Variants in CERS3 observed in about 807,000 individuals in gnomAD.
CERS3 encodes the protein ceramide synthase 3, also known as LAG1 homolog, ceramide synthase 3.
A neutral mutation model predicts 50.3 loss-of-function variants in CERS3; 33 were observed. The observed-to-expected ratio is 0.66, with a 90% CI of 0.50 to 0.88. The LOEUF (loss-of-function observed/expected upper bound fraction) is 0.88, where lower values mean the gene tolerates loss of function less well. CERS3 is among the 40% of genes least tolerant of loss of function. The probability of loss-of-function intolerance (pLI) is 0.00; values close to 1 mark genes in which losing one functional copy is unlikely to be tolerated. For missense variants in CERS3, 470 were observed against 460.3 expected (o/e 1.02, Z -0.19); for synonymous variants, 176 against 155.2 (o/e 1.13, Z -0.99).
At chr15:100,483,849 CG>C (rs1349048765) in intron 5 of CERS3, among the ~76,000 whole-genome samples, 1 of 139,096 alleles carries the variant, frequency 7.2e-6, no homozygotes, top group Non-Finnish European at 1.5e-5. Context: ...GGCGGGATCT[CG>C]GCTCACTGCA....
intron 4 of CERS3, among the ~76,000 whole-genome samples, chr15:100,489,974 C>T (rs1367373200): frequency 6.6e-6 from 1 of 152,160 alleles, no homozygotes; most frequent in African/African-American, 2.4e-5. Flanking sequence ...CAACTTAATT[C>T]AGGAAATAAA....
At chr15:100,497,302 A>ATGTGTGTGTG (rs1236454887) in intron 3 of CERS3, among the ~76,000 whole-genome samples, 4 of 133,524 alleles carry the variant, frequency 3.0e-5, no homozygotes, top group African/African-American at 1.1e-4. Context: ...GAGAGCATAT[A>ATGTGTGTGTG]TGTATGTGTG....
chr15:100,487,184 A>C (rs936456777), intron 4 of CERS3, among the ~76,000 whole-genome samples: 4 of 152,264 alleles, frequency 2.6e-5, no homozygotes, highest in African/African-American at 9.6e-5. Context: ...TCATGGGAAC[A>C]AAAACAAGCA....
intron 4 of CERS3, among the ~76,000 whole-genome samples, chr15:100,489,545 C>T (rs543249434): frequency 3.9e-4 from 60 of 152,264 alleles, no homozygotes; most frequent in Non-Finnish European, 5.9e-4. Context: ...TAGCACTGTT[C>T]TTCCCATTTT....
chr15:100,529,736 C>A (rs943266807), upstream of CERS3, among the ~76,000 whole-genome samples: 6 of 152,346 alleles, frequency 3.9e-5, no homozygotes, highest in South Asian at 1.2e-3. Context: ...TTTAAAGGTG[C>A]TCTGACAAGT....
chr15:100,515,498 G>C (rs2036464755), intron 2 of CERS3, among the ~76,000 whole-genome samples: 2 of 152,182 alleles, frequency 1.3e-5, no homozygotes, highest in Non-Finnish European at 2.9e-5. Flanking sequence ...TACCTTGACA[G>C]AGATTGCCAA....
At chr15:100,535,816 G>A (rs1173071655) in intron 1 of CERS3, among the ~76,000 whole-genome samples, 1 of 113,324 alleles carries the variant, frequency 8.8e-6, no homozygotes, top group Non-Finnish European at 1.9e-5. Context: ...ATGTGCACGG[G>A]AAGTGGGGAC....
chr15:100,472,323 G>A (rs1208406821), intron 9 of CERS3, among the ~76,000 whole-genome samples: 1 of 152,148 alleles, frequency 6.6e-6, no homozygotes, highest in Non-Finnish European at 1.5e-5. Flanking sequence ...AACAGGTCCG[G>A]AAAACAATCC....
chr15:100,469,176 G>A lies in CERS3; in HGVS notation c.845+202C>T, dbSNP rs12592478. Among the ~76,000 whole-genome samples, 17,292 of 152,182 alleles carry A rather than the reference G, an allele frequency of 0.11. 1,188 individuals carry two copies. Among genetic ancestry groups the A allele is most frequent in the Admixed American group, 0.21 (3,284 of 15,280 alleles). ...TCAGGTCACACATTTTCCATCTCCC[G>A]TTGTAATAAGCCTTTTCCACACCAC... On this transcript the variant is annotated intron_variant, in intron 10 of 11. Transcript: ENST00000679737.
chr15:100,498,351 G>A (rs2035895338), intron 3 of CERS3, among the ~76,000 whole-genome samples: 1 of 152,158 alleles, frequency 6.6e-6, no homozygotes. Context: ...TGAAGAAGGA[G>A]AGAAGAAAGA....
intron 2 of CERS3, among the ~76,000 whole-genome samples, chr15:100,507,028 C>T (rs1285485843): frequency 6.6e-6 from 1 of 152,158 alleles, no homozygotes; most frequent in South Asian, 2.1e-4. Flanking sequence ...TAATCTATGG[C>T]TTATCCTGAA....
chr15:100,423,733 T>C (rs2032618702), intron 11 of CERS3, among the ~76,000 whole-genome samples: 1 of 152,138 alleles, frequency 6.6e-6, no homozygotes, highest in African/African-American at 2.4e-5. Flanking sequence ...AACCTGTACA[T>C]GTGCCCCCTG....
At chr15:100,436,734 G>GTT (rs1348476969) in intron 11 of CERS3, among the ~76,000 whole-genome samples, 1 of 152,006 alleles carries the variant, frequency 6.6e-6, no homozygotes, top group Non-Finnish European at 1.5e-5. Flanking sequence ...TAGGACACCA[G>GTT]CTATAGGGGA....
rs2654574 is a variant in CERS3 at position 100,479,324 on chromosome 15, C to T, written c.516+104G>A. 793,473 of 797,046 alleles carry T rather than the reference C, an allele frequency of 1. 395,059 individuals carry two copies. The highest frequency in any genetic ancestry group is 1 in the East Asian group (39,754 of 39,756). 49.4% of individuals were successfully genotyped at this position (797,046 alleles called of 1,614,324 possible). A position where few individuals can be genotyped will look rare whatever the true frequency, so the allele number is the denominator to read the frequency against. On this transcript the variant is annotated intron_variant, in intron 7 of 11. Transcript: ENST00000679737. ...AGTAGAAAAAGTGCCAGGGATGACACAGTAGTGAACAAAGAGTAGCAGGGG... is the reference window on the plus strand; with the variant it reads ...AGTAGAAAAAGTGCCAGGGATGACATAGTAGTGAACAAAGAGTAGCAGGGG...
At chr15:100,420,143 C>T (rs1229811837) in intron 11 of CERS3, among the ~76,000 whole-genome samples, 81 of 148,614 alleles carry the variant, frequency 5.5e-4, no homozygotes, top group African/African-American at 1.9e-3. Context: ...AATCCAGGAG[C>T]TGGTTTTTTG....
chr15:100,468,119 A>T (rs2034845027), intron 10 of CERS3, among the ~76,000 whole-genome samples: 1 of 152,168 alleles, frequency 6.6e-6, no homozygotes, highest in Non-Finnish European at 1.5e-5. Flanking sequence ...CATTTATCTT[A>T]GATTTGATTC....
At chr15:100,466,071 C>A (rs2034704403) in intron 10 of CERS3, among the ~76,000 whole-genome samples, 1 of 152,158 alleles carries the variant, frequency 6.6e-6, no homozygotes, top group Non-Finnish European at 1.5e-5. Flanking sequence ...CAAGTGAATT[C>A]AGTATAAAGA....
chr15:100,434,191 G>C (rs145294343), intron 11 of CERS3, among the ~76,000 whole-genome samples: 2 of 152,240 alleles, frequency 1.3e-5, no homozygotes, highest in Non-Finnish European at 2.9e-5. Flanking sequence ...TCTTGAGGCC[G>C]AGGCCCATTG....
chr15:100,433,342 C>A (rs1473648146), intron 11 of CERS3, among the ~76,000 whole-genome samples: 1 of 152,026 alleles, frequency 6.6e-6, no homozygotes, highest in Non-Finnish European at 1.5e-5. Context: ...ATTCCCCCCG[C>A]CGCCCCACCA....
Sources: gnomAD v4.1 joint callset for allele counts (sites outside exome capture counted in the v4.1 genomes callset) on GRCh38, gnomAD v4.1.1 for gene constraint, MANE v1.5 for transcripts, NCBI Gene and HGNC (gene_info 2026-07-23, HGNC 2026-07-21) for gene names.